Variants in SPNS3 observed in about 807,000 individuals in gnomAD.
The protein encoded by SPNS3 is protein spinster homolog 3.
In SPNS3, 51 loss-of-function variants were observed where a neutral mutation model predicts 54.4. That is an observed-to-expected ratio of 0.94 (90% CI 0.75 to 1.18). The LOEUF is 1.18. SPNS3 is among the 50% of genes most tolerant of loss of function. The pLI, the probability that SPNS3 is intolerant of heterozygous loss-of-function variation, is 0.00. For synonymous variants in SPNS3, 309 were observed against 294.7 expected, an observed-to-expected ratio of 1.05 and a Z score of -0.50; for missense variants, 669 against 677.4, an observed-to-expected ratio of 0.99 and a Z score of 0.14.
chr17:4,452,446 G>A (rs76819625), intron 7 of SPNS3, among the ~76,000 whole-genome samples: 8,857 of 152,026 alleles, frequency 0.058, 325 homozygotes, highest in Middle Eastern at 0.12. Context: ...AAGTGGGTGG[G>A]AAAGGGACGG....
chr17:4,435,888 T>C (rs938137807), intron 1 of SPNS3, among the ~76,000 whole-genome samples: 30 of 152,066 alleles, frequency 2.0e-4, no homozygotes, highest in Admixed American at 1.6e-3. Flanking sequence ...GCTGAGATCG[T>C]GCCACTGCAC....
In SPNS3 at chr17:4,437,658, T is replaced by C. The variant is rs1404985725; in HGVS notation, c.200-2000T>C. Among the ~76,000 whole-genome samples the C allele has an allele frequency of 2.0e-5, 3 of 146,394 alleles. No individual in the cohort carries two copies. In the East Asian group the frequency reaches 5.8e-4, roughly 28 times the overall value. On this transcript the variant is annotated intron_variant, in intron 1 of 11. Coordinates refer to ENST00000355530, the MANE Select transcript of SPNS3 (RefSeq NM_182538.5). ...CTTCAGCCTGGATGAAATAGTGAGA[T>C]TCAGTCTCAAAAATAAATAAATAAA...
chr17:4,466,934 G>C (rs566276290), intron 8 of SPNS3, among the ~76,000 whole-genome samples: 1 of 152,336 alleles, frequency 6.6e-6, no homozygotes, highest in East Asian at 1.9e-4. Flanking sequence ...GAGAGCGACA[G>C]GGGCAATGCA....
At chr17:4,444,815 G>C (rs1437513158) in intron 2 of SPNS3, among the ~76,000 whole-genome samples, 1 of 152,120 alleles carries the variant, frequency 6.6e-6, no homozygotes, top group African/African-American at 2.4e-5. Context: ...TGGGCTTTGG[G>C]TTTGGGGCCA....
intron 2 of SPNS3, among the ~76,000 whole-genome samples, chr17:4,441,665 C>T (rs920548117): frequency 2.6e-5 from 4 of 151,956 alleles, no homozygotes; most frequent in Non-Finnish European, 5.9e-5. Context: ...GGCATGATCT[C>T]GGCTCACTGC....
chr17:4,466,095 A>C (rs1567568613), intron 8 of SPNS3, among the ~76,000 whole-genome samples: 1 of 152,220 alleles, frequency 6.6e-6, no homozygotes, highest in Non-Finnish European at 1.5e-5. Context: ...GGTGGCTGAG[A>C]TGCAGGTCTC....
intron 2 of SPNS3, 36 bp from the exon 3 acceptor site, chr17:4,444,996 G>C (rs182120036): frequency 3.9e-5 from 63 of 1,600,568 alleles, no homozygotes; most frequent in Admixed American, 2.2e-4. Flanking sequence ...CCACGGTCGT[G>C]GGGGGATCCA....
At chr17:4,481,922 C>T (rs1972162999) in intron 9 of SPNS3, 1 of 151,776 alleles carries the variant, frequency 6.6e-6, no homozygotes, top group Non-Finnish European at 1.5e-5. Flanking sequence ...CGGAGTCTCG[C>T]ACTGTCGCCA....
intron 9 of SPNS3, among the ~76,000 whole-genome samples, chr17:4,480,379 A>G (rs1972119507): frequency 6.6e-6 from 1 of 152,232 alleles, no homozygotes; most frequent in Non-Finnish European, 1.5e-5. Context: ...GGAAAGGGGA[A>G]GGCATTGGCA....
intron 1 of SPNS3, among the ~76,000 whole-genome samples, chr17:4,439,264 C>T (rs965524440): frequency 1.3e-5 from 2 of 152,038 alleles, no homozygotes; most frequent in African/African-American, 4.8e-5. Context: ...GCTGGGATTA[C>T]AGGCGCCCGC....
rs1389342980 is a variant in SPNS3, at chr17:4,487,795, T to TG, written c.1451-11_1451-10insG. 1 of 1,613,424 alleles carries TG rather than the reference T, an allele frequency of 6.2e-7. No individual in the cohort carries two copies. The highest frequency in any genetic ancestry group is 2.2e-5 in the East Asian group (1 of 44,882). ...AACCTTCGGGCAGGCTGAGCATCTT[T>TG]CCTCCTGCAGGGACCCCAGACAGCA... On this transcript the variant is annotated splice_polypyrimidine_tract_variant and intron_variant, in intron 11 of 11. Coordinates refer to ENST00000355530, the MANE Select transcript of SPNS3 (RefSeq NM_182538.5).
intron 1 of SPNS3, among the ~76,000 whole-genome samples, chr17:4,435,450 A>G (rs1045327626): frequency 2.7e-5 from 4 of 147,474 alleles, no homozygotes; most frequent in Non-Finnish European, 5.9e-5. Flanking sequence ...CAAAAAAAAA[A>G]AAATAAAAAA....
At chr17:4,466,742 G>T (rs1971686850) in intron 8 of SPNS3, among the ~76,000 whole-genome samples, 1 of 152,090 alleles carries the variant, frequency 6.6e-6, no homozygotes, top group African/African-American at 2.4e-5. Flanking sequence ...ATACTTGGGA[G>T]GCTGAGGCAG....
intron 8 of SPNS3, among the ~76,000 whole-genome samples, chr17:4,462,790 CATCCATCCATCCACCA>C (rs1971565755): frequency 7.6e-6 from 1 of 130,900 alleles, no homozygotes; most frequent in Non-Finnish European, 1.5e-5. Context: ...TCCATCCATC[CATCCATCCATCCACCA>C]ATCTATCCAT....
intron 8 of SPNS3, among the ~76,000 whole-genome samples, chr17:4,454,257 C>T (rs1971244371): frequency 6.6e-6 from 1 of 152,242 alleles, no homozygotes; most frequent in African/African-American, 2.4e-5. Flanking sequence ...GTGTCCCTGG[C>T]TCCCCAAAGC....
chr17:4,446,989 C>T (rs1333576951), intron 5 of SPNS3, 27 bp downstream of exon 5: 3 of 1,612,940 alleles, frequency 1.9e-6, no homozygotes, highest in African/African-American at 2.7e-5. Context: ...TTTCTTCCCT[C>T]TGCTTTCCCT....
intron 8 of SPNS3, among the ~76,000 whole-genome samples, chr17:4,467,102 T>C (rs752873345): frequency 1.2e-4 from 18 of 151,604 alleles, no homozygotes; most frequent in Non-Finnish European, 2.4e-4. Flanking sequence ...GTTGGGGAGA[T>C]GTGGCTGGAA....
chr17:4,446,192 G>A lies in SPNS3; in HGVS notation c.547G>A (p.Val183Ile), dbSNP rs778569653. 2.1e-5 allele frequency: 34 copies of A among 1,608,878 alleles called. No individual in the cohort carries two copies. The highest frequency in any genetic ancestry group is 9.9e-5 in the South Asian group (9 of 90,680). Residue 183 changes from valine (V) to isoleucine (I), a missense_variant, in exon 4 of 12, where the codon GTT becomes ATT. By Grantham distance (29) the Val-to-Ile change is conservative. Coordinates refer to ENST00000355530, the MANE Select transcript of SPNS3 (RefSeq NM_182538.5). ...VLAVFYIFIP[V>I]GSGLGYVLGS... is the part of the protein sequence containing the mutation. ...GGCTGTCTTCTACATCTTTATCCCC[G>A]TTGGAAGGTTGGTATCACCCGTGGG...
chr17:4,445,682 A>C (rs1056020440), intron 3 of SPNS3, among the ~76,000 whole-genome samples: 5 of 151,964 alleles, frequency 3.3e-5, no homozygotes, highest in African/African-American at 4.8e-5. Context: ...TGGCCAAGCC[A>C]GTGGACTTTC....
Sources: allele counts gnomAD v4.1 joint callset (sites outside exome capture counted in the v4.1 genomes callset), GRCh38; gene constraint gnomAD v4.1.1; transcripts MANE v1.5; gene names NCBI Gene and HGNC (gene_info 2026-07-23, HGNC 2026-07-21).